Variants in SPSB4 observed in about 807,000 individuals in gnomAD.
SPSB4 encodes the protein SPRY domain-containing SOCS box protein 4.
Under a neutral mutation model 20.9 loss-of-function variants are expected in SPSB4, and 21 were observed. That is an observed-to-expected ratio of 1.01 (90% CI 0.71 to 1.45). The LOEUF (loss-of-function observed/expected upper bound fraction) is 1.45, where lower values mean the gene tolerates loss of function less well. Among genes scored for constraint, SPSB4 ranks in the 40% most tolerant of loss-of-function variants. SPSB4 has a pLI of 0.00. For missense variants in SPSB4, 399 were observed against 399.2 expected, an observed-to-expected ratio of 1.00 and a Z score of 0.00; for synonymous variants, 207 against 183.8, an observed-to-expected ratio of 1.13 and a Z score of -1.02.
chr3:141,133,484 G>A (rs1189485622), intron 2 of SPSB4, among the ~76,000 whole-genome samples: 2 of 152,164 alleles, frequency 1.3e-5, no homozygotes, highest in Non-Finnish European at 2.9e-5. Context: ...TGAGAGATGA[G>A]GATCCAGCTT....
intron 2 of SPSB4, among the ~76,000 whole-genome samples, chr3:141,118,337 G>A (rs1553742403): frequency 6.6e-6 from 1 of 151,994 alleles, no homozygotes; most frequent in Non-Finnish European, 1.5e-5. Flanking sequence ...TTTTTGATGG[G>A]GTTGTTTTTT....
intron 2 of SPSB4, among the ~76,000 whole-genome samples, chr3:141,134,056 C>CTTTTTTCT (rs1939185139): frequency 1.8e-4 from 11 of 61,636 alleles, no homozygotes; most frequent in African/African-American, 2.9e-4. Context: ...TTTCTTTTTT[C>CTTTTTTCT]TTTTTTTTTT....
chr3:141,133,094 T>C (rs1378524826), intron 2 of SPSB4, among the ~76,000 whole-genome samples: 1 of 152,210 alleles, frequency 6.6e-6, no homozygotes, highest in Non-Finnish European at 1.5e-5. Context: ...TGTCAGCCAT[T>C]TGTATATCTT....
In SPSB4 at chr3:141,053,536, A is replaced by C. The variant is rs376861916; in HGVS notation, c.-154+1544A>C. ...AGAAACAGTCAAAAGATATATGACA[A>C]ACTGTCACATATGACATATACCACT... On this transcript the variant is annotated intron_variant, in intron 1 of 2. Transcript: ENST00000310546. Among the ~76,000 whole-genome samples, 18 of 152,316 alleles carry C rather than the reference A, an allele frequency of 1.2e-4. 1 individual carries two copies. The highest frequency in any genetic ancestry group is 4.3e-4 in the African/African-American group (18 of 41,568).
chr3:141,135,195 T>A (rs1430004767), intron 2 of SPSB4, among the ~76,000 whole-genome samples: 1 of 152,020 alleles, frequency 6.6e-6, no homozygotes, highest in African/African-American at 2.4e-5. Flanking sequence ...TGTATGATTC[T>A]TTTTACTTTA....
chr3:141,144,749 C>T (rs1161261427), intron 2 of SPSB4, among the ~76,000 whole-genome samples: 1 of 152,252 alleles, frequency 6.6e-6, no homozygotes, highest in Non-Finnish European at 1.5e-5. Flanking sequence ...AGATAAAAGA[C>T]ATTCTGTCCT....
Position 141,147,298 on chromosome 3 carries a change from GACAC to G in SPSB4, c.*34_*37del. 3 of 1,613,342 alleles carry G rather than the reference GACAC, an allele frequency of 1.9e-6. No individual in the cohort carries two copies. Among genetic ancestry groups the G allele is most frequent in the Non-Finnish European group, 2.5e-6 (3 of 1,179,556 alleles). ...AAGCCTGATGGGCAGCACAGACACAGACACACACCGCAGGGCCCGACCCTCCTGT... is the reference window on the plus strand; with the variant it reads ...AAGCCTGATGGGCAGCACAGACACAGACACCGCAGGGCCCGACCCTCCTGT... On this transcript the variant is annotated 3_prime_UTR_variant, in exon 3 of 3. Transcript: ENST00000310546.
At chr3:141,122,328 T>A (rs888314975) in intron 2 of SPSB4, among the ~76,000 whole-genome samples, 1 of 152,188 alleles carries the variant, frequency 6.6e-6, no homozygotes, top group South Asian at 2.1e-4. Flanking sequence ...ATGAGGTGTC[T>A]GTCAGCCCTT....
At chr3:141,068,303 G>A (rs565414797) in intron 2 of SPSB4, among the ~76,000 whole-genome samples, 1 of 152,182 alleles carries the variant, frequency 6.6e-6, no homozygotes, top group Non-Finnish European at 1.5e-5. Context: ...TGTTTAATGG[G>A]TTAAATCTAG....
intron 2 of SPSB4, among the ~76,000 whole-genome samples, chr3:141,107,682 C>T (rs1576533401): frequency 6.6e-6 from 1 of 152,210 alleles, no homozygotes; most frequent in East Asian, 1.9e-4. Context: ...TGTGCCCAGG[C>T]ACAGTGGCTC....
chr3:141,083,328 C>G (rs946326132), intron 2 of SPSB4, among the ~76,000 whole-genome samples: 3 of 152,262 alleles, frequency 2.0e-5, no homozygotes, highest in East Asian at 1.9e-4. Context: ...TCCAAGGAGA[C>G]AATCACTGTT....
chr3:141,132,210 C>G, intron 2 of SPSB4: 1 of 435,622 alleles, frequency 2.3e-6, no homozygotes, highest in Non-Finnish European at 4.6e-6. Flanking sequence ...CTCGGTTGCC[C>G]TGGCCAAAGT....
intron 2 of SPSB4, among the ~76,000 whole-genome samples, chr3:141,104,711 G>A (rs1250307590): frequency 6.6e-6 from 1 of 152,212 alleles, no homozygotes; most frequent in Non-Finnish European, 1.5e-5. Context: ...CACAGGCTGC[G>A]CGGCCGGCCC....
chr3:141,091,800 C>T (rs116442363), intron 2 of SPSB4, among the ~76,000 whole-genome samples: 2 of 152,318 alleles, frequency 1.3e-5, no homozygotes, highest in Admixed American at 6.5e-5. Context: ...TACCAGGGGC[C>T]CGGGTTCATG....
At chr3:141,118,478 G>A (rs1938915518) in intron 2 of SPSB4, among the ~76,000 whole-genome samples, 1 of 152,182 alleles carries the variant, frequency 6.6e-6, no homozygotes, top group Non-Finnish European at 1.5e-5. Context: ...TTGCTGTGCA[G>A]AAGCTCTTTA....
intron 2 of SPSB4, among the ~76,000 whole-genome samples, chr3:141,127,299 C>T (rs1028677322): frequency 5.3e-5 from 8 of 152,198 alleles, no homozygotes; most frequent in African/African-American, 1.4e-4. Flanking sequence ...GTCTCCAGAC[C>T]CCTTGTTCTT....
At chr3:141,105,772 T>A (rs1308662330) in intron 2 of SPSB4, among the ~76,000 whole-genome samples, 1 of 152,274 alleles carries the variant, frequency 6.6e-6, no homozygotes, top group Non-Finnish European at 1.5e-5. Context: ...TTCTTTTCTT[T>A]GCCTTCAAAG....
intron 2 of SPSB4, among the ~76,000 whole-genome samples, chr3:141,136,100 T>C (rs1416326650): frequency 1.3e-5 from 2 of 152,250 alleles, no homozygotes; most frequent in African/African-American, 4.8e-5. Context: ...CCAGTGATGA[T>C]GAGCATTTTT....
At chr3:141,088,564 C>T (rs942946828) in intron 2 of SPSB4, among the ~76,000 whole-genome samples, 1 of 152,194 alleles carries the variant, frequency 6.6e-6, no homozygotes, top group Non-Finnish European at 1.5e-5. Flanking sequence ...GCCACTCAGC[C>T]GGATGCAGGC....
Sources: allele counts gnomAD v4.1 joint callset (sites outside exome capture counted in the v4.1 genomes callset), GRCh38; gene constraint gnomAD v4.1.1; transcripts MANE v1.5; gene names NCBI Gene and HGNC (gene_info 2026-07-23, HGNC 2026-07-21).